SRGAP2B: variants seen among roughly 807,000 people sequenced by gnomAD.
SRGAP2B encodes the protein SLIT-ROBO Rho GTPase activating protein 2B.
Under a neutral mutation model 22.2 loss-of-function variants are expected in SRGAP2B, and 9 were observed. The observed-to-expected ratio is 0.41, with a 90% CI of 0.24 to 0.71. The LOEUF is 0.71. Among genes scored for constraint, SRGAP2B ranks in the 30% least tolerant of loss-of-function variants. SRGAP2B has a pLI of 0.35. For synonymous variants in SRGAP2B, 36 were observed against 87.4 expected (o/e 0.41, Z 3.28); for missense variants, 114 against 235.8 (o/e 0.48, Z 3.38).
At chr1:144,940,898 T>C (rs1203174395) in intron 4 of SRGAP2B, among the ~76,000 whole-genome samples, 2 of 147,710 alleles carry the variant, frequency 1.4e-5, no homozygotes, top group East Asian at 2.0e-4. Context: ...TATGATCATA[T>C]AGGCAACATT....
Position 144,924,664 on chromosome 1 carries a change from G to A in SRGAP2B, c.424-9910C>T, listed in dbSNP as rs868914945. Among the ~76,000 whole-genome samples the A allele has an allele frequency of 2.7e-5, 4 of 150,848 alleles. No homozygotes were observed. The South Asian group carries it at 6.3e-4, about 24-fold the overall frequency. ...GGAGAATGGCGTGAACCCGGGAGGC[G>A]GAGCTTGCAGTGAGCCAAGATCGCA... On this transcript the variant is annotated intron_variant, in intron 4 of 9. Transcript: ENST00000612199.
intron 3 of SRGAP2B, among the ~76,000 whole-genome samples, chr1:144,978,571 G>A (rs1570910633): frequency 1.3e-5 from 2 of 150,100 alleles, no homozygotes; most frequent in African/African-American, 5.0e-5. Flanking sequence ...CTTGAACCTG[G>A]GAGGCAGAGG....
intron 5 of SRGAP2B, 89 bp from the exon 6 acceptor site, chr1:144,906,163 C>G (rs1662978391): frequency 1.3e-5 from 9 of 697,974 alleles, no homozygotes; most frequent in Non-Finnish European, 2.1e-5. Flanking sequence ...AGCTGGAGCT[C>G]TCCCCCATGA....
intron 4 of SRGAP2B, among the ~76,000 whole-genome samples, chr1:144,932,413 G>A (rs1367881728): frequency 1.3e-5 from 2 of 151,076 alleles, no homozygotes; most frequent in African/African-American, 4.9e-5. Context: ...TGTAGATGGG[G>A]TGGACTCGTC....
intron 3 of SRGAP2B, among the ~76,000 whole-genome samples, chr1:144,976,530 G>A (rs1668919588): frequency 1.4e-5 from 2 of 142,872 alleles, no homozygotes; most frequent in Admixed American, 6.8e-5. Flanking sequence ...TAGCATCCAT[G>A]GCTTCTAAAT....
intron 3 of SRGAP2B, among the ~76,000 whole-genome samples, chr1:144,992,890 T>C (rs1275749352): frequency 1.3e-5 from 2 of 151,070 alleles, no homozygotes; most frequent in Non-Finnish European, 2.9e-5. Flanking sequence ...AACAAACTTA[T>C]ACAGTCCACT....
chr1:145,068,923 G>A (rs61803068), intron 2 of SRGAP2B, among the ~76,000 whole-genome samples: 3 of 147,806 alleles, frequency 2.0e-5, no homozygotes, highest in Non-Finnish European at 3.0e-5. Flanking sequence ...GTGTGTGTGT[G>A]TGTGTGTGTG....
chr1:144,944,790 C>G (rs370567075), intron 4 of SRGAP2B, among the ~76,000 whole-genome samples: 4 of 139,950 alleles, frequency 2.9e-5, no homozygotes, highest in African/African-American at 1.1e-4. Flanking sequence ...CAGCTCACTG[C>G]AAACTCCACC....
intron 2 of SRGAP2B, among the ~76,000 whole-genome samples, chr1:145,017,095 G>T (rs1420454764): frequency 7.2e-6 from 1 of 139,662 alleles, no homozygotes; most frequent in African/African-American, 2.8e-5. Context: ...GAGTAGCTAG[G>T]ATTATAAGTA....
chr1:144,901,065 G>C, intron 7 of SRGAP2B, among the ~76,000 whole-genome samples: 1 of 148,762 alleles, frequency 6.7e-6, no homozygotes, highest in South Asian at 2.1e-4. Flanking sequence ...TTACATTCCA[G>C]TGAGCCTACC....
chr1:144,913,914 T>A (rs587657689), intron 5 of SRGAP2B, among the ~76,000 whole-genome samples: 1 of 149,484 alleles, frequency 6.7e-6, no homozygotes, highest in Non-Finnish European at 1.5e-5. Flanking sequence ...ATTAGCTGTA[T>A]AACTTAAGTA....
intron 4 of SRGAP2B, among the ~76,000 whole-genome samples, chr1:144,953,541 C>A (rs1384836449): frequency 6.6e-6 from 1 of 151,998 alleles, no homozygotes. Flanking sequence ...AGGAAGTCAA[C>A]CCTGAGCCCA....
At chr1:144,982,076 CAT>C (rs1669353995) in intron 3 of SRGAP2B, among the ~76,000 whole-genome samples, 1 of 126,334 alleles carries the variant, frequency 7.9e-6, no homozygotes, top group East Asian at 2.4e-4. Context: ...TGGAAACTGA[CAT>C]ATTACCCAGC....
chr1:144,993,728 C>A (rs1670440086), intron 3 of SRGAP2B, among the ~76,000 whole-genome samples: 1 of 144,508 alleles, frequency 6.9e-6, no homozygotes, highest in Non-Finnish European at 1.5e-5. Flanking sequence ...TAATAATAAT[C>A]ATAATAAAAA....
intron 3 of SRGAP2B, among the ~76,000 whole-genome samples, chr1:144,987,498 TC>T (rs1669826428): frequency 6.7e-6 from 1 of 150,162 alleles, no homozygotes; most frequent in Non-Finnish European, 1.5e-5. Flanking sequence ...GATAACACTC[TC>T]GGGATGGAAT....
At chr1:144,993,300 T>A (rs1670405028) in intron 3 of SRGAP2B, among the ~76,000 whole-genome samples, 2 of 151,166 alleles carry the variant, frequency 1.3e-5, no homozygotes, top group Non-Finnish European at 2.9e-5. Context: ...ACAAATCACA[T>A]GCTATGTTGT....
At chr1:144,940,431 C>T (rs3850558) in intron 4 of SRGAP2B, among the ~76,000 whole-genome samples, 46,307 of 149,092 alleles carry the variant, frequency 0.31, 9,170 homozygotes, top group Non-Finnish European at 0.43. Flanking sequence ...ATCCTAAAAA[C>T]AAGTGATTTC....
chr1:145,023,536 G>A (rs1467760561), intron 2 of SRGAP2B, among the ~76,000 whole-genome samples: 1 of 134,378 alleles, frequency 7.4e-6, no homozygotes, highest in Non-Finnish European at 1.7e-5. Flanking sequence ...TTTCCAACAC[G>A]ACTAAATTTG....
rs587609152 is a variant in SRGAP2B, at chr1:145,039,515, C to A, written c.68-44315G>T. 6.2e-5 allele frequency among the ~76,000 whole-genome samples: 9 copies of A among 145,000 alleles called. No individual in the cohort carries two copies. In the South Asian group the frequency reaches 2.1e-3, roughly 34 times the overall value. On this transcript the variant is annotated intron_variant, in intron 2 of 9. Coordinates refer to ENST00000612199, the Ensembl canonical transcript of SRGAP2B. ...AAAAGATAAATGCAAATATGAATCACCTACAGAATTAAAAGGCCACAAATG... is the reference window on the plus strand; with the variant it reads ...AAAAGATAAATGCAAATATGAATCAACTACAGAATTAAAAGGCCACAAATG...
Sources: allele counts gnomAD v4.1 joint callset (sites outside exome capture counted in the v4.1 genomes callset), GRCh38; gene constraint gnomAD v4.1.1; transcripts MANE v1.5; gene names NCBI Gene and HGNC (gene_info 2026-07-23, HGNC 2026-07-21).